Variants in CHST11 observed in about 807,000 individuals in gnomAD.
The protein encoded by CHST11 is carbohydrate sulfotransferase 11, also known as C4S-1.
CHST11 carries 9 observed loss-of-function variants against 30.4 expected under a neutral mutation model. The observed-to-expected ratio is 0.30, with a 90% CI of 0.18 to 0.52. CHST11 has a LOEUF of 0.52. Among genes scored for constraint, CHST11 ranks in the 20% least tolerant of loss-of-function variants. The probability of loss-of-function intolerance (pLI) is 0.97; values close to 1 mark genes in which losing one functional copy is unlikely to be tolerated. For synonymous variants in CHST11, 152 were observed against 187.8 expected, an observed-to-expected ratio of 0.81 and a Z score of 1.56; for missense variants, 348 against 460.6, an observed-to-expected ratio of 0.76 and a Z score of 2.24.
chr12:104,501,753 T>A (rs1019347766), intron 1 of CHST11, among the ~76,000 whole-genome samples: 12 of 152,298 alleles, frequency 7.9e-5, no homozygotes, highest in Admixed American at 3.3e-4. Context: ...ACCCACCAGA[T>A]GCTGGGTGAA....
intron 1 of CHST11, among the ~76,000 whole-genome samples, chr12:104,541,394 C>T (rs2038286387): frequency 6.6e-6 from 1 of 151,818 alleles, no homozygotes; most frequent in Non-Finnish European, 1.5e-5. Flanking sequence ...TTTCATGAAA[C>T]GTGGTCTGTG....
chr12:104,535,421 T>C (rs2038227901), intron 1 of CHST11, among the ~76,000 whole-genome samples: 1 of 152,176 alleles, frequency 6.6e-6, no homozygotes, highest in Non-Finnish European at 1.5e-5. Flanking sequence ...TTTAGAATAA[T>C]CTGGTCTTAA....
rs2040379497 is a variant in CHST11 at position 104,745,017 on chromosome 12, G to A, written c.205-11932G>A. On this transcript the variant is annotated intron_variant, in intron 2 of 2. Transcript: ENST00000303694. ...GCCTCCCAAGTAGCTAGGATTACAG[G>A]TGCCCACCATCATGCCTGGGTAATT... Among the ~76,000 whole-genome samples, 5 of 152,056 alleles carry A rather than the reference G, an allele frequency of 3.3e-5. No individual in the cohort carries two copies. The South Asian group carries it at 1.0e-3, about 32-fold the overall frequency.
chr12:104,491,626 A>G (rs1040159162), intron 1 of CHST11, among the ~76,000 whole-genome samples: 1 of 152,056 alleles, frequency 6.6e-6, no homozygotes, highest in Admixed American at 6.6e-5. Context: ...GTGCCACCAC[A>G]CCTGGCTAAT....
At chr12:104,675,619 A>G (rs770399170) in intron 2 of CHST11, among the ~76,000 whole-genome samples, 3 of 152,238 alleles carry the variant, frequency 2.0e-5, no homozygotes, top group Non-Finnish European at 4.4e-5. Context: ...ACTTTATTCA[A>G]TCCAGGGGTT....
chr12:104,689,315 G>A (rs1234246177), intron 2 of CHST11, among the ~76,000 whole-genome samples: 3 of 152,166 alleles, frequency 2.0e-5, no homozygotes, highest in Admixed American at 6.5e-5. Flanking sequence ...GCTTCCAATC[G>A]AAATACAGTG....
intron 1 of CHST11, among the ~76,000 whole-genome samples, chr12:104,466,741 G>C (rs757413850): frequency 3.3e-5 from 5 of 152,182 alleles, no homozygotes; most frequent in Non-Finnish European, 5.9e-5. Context: ...TATTTGAGCA[G>C]CCATCCCTCA....
intron 2 of CHST11, among the ~76,000 whole-genome samples, chr12:104,717,631 T>C (rs553502142): frequency 6.6e-6 from 1 of 152,058 alleles, no homozygotes; most frequent in East Asian, 1.9e-4. Flanking sequence ...AATTAGATGG[T>C]GTGGTGGTAG....
At chr12:104,470,749 G>A (rs1303890477) in intron 1 of CHST11, among the ~76,000 whole-genome samples, 1 of 152,186 alleles carries the variant, frequency 6.6e-6, no homozygotes, top group African/African-American at 2.4e-5. Context: ...GGAAACTGAG[G>A]CTTAGAGAGG....
intron 1 of CHST11, among the ~76,000 whole-genome samples, chr12:104,504,633 G>A (rs1490034653): frequency 6.6e-6 from 1 of 152,166 alleles, no homozygotes; most frequent in East Asian, 1.9e-4. Context: ...GCCTGTTCAT[G>A]GCCTAGGTAC....
chr12:104,549,451 CTCT>C (rs1565983366), intron 1 of CHST11, among the ~76,000 whole-genome samples: 1 of 152,134 alleles, frequency 6.6e-6, no homozygotes, highest in Non-Finnish European at 1.5e-5. Context: ...TCTTAGCATC[CTCT>C]TCTTAATTTT....
intron 2 of CHST11, among the ~76,000 whole-genome samples, chr12:104,632,155 G>A (rs573051426): frequency 6.6e-6 from 1 of 152,238 alleles, no homozygotes; most frequent in African/African-American, 2.4e-5. Flanking sequence ...GGGAACACGA[G>A]ACCTCCTGGA....
At chr12:104,526,574 G>A (rs2038128233) in intron 1 of CHST11, among the ~76,000 whole-genome samples, 1 of 152,186 alleles carries the variant, frequency 6.6e-6, no homozygotes, top group African/African-American at 2.4e-5. Context: ...TATTTGTGAG[G>A]GGTGCTTGTT....
At chr12:104,744,456 T>C (rs2040372963) in intron 2 of CHST11, among the ~76,000 whole-genome samples, 1 of 152,242 alleles carries the variant, frequency 6.6e-6, no homozygotes, top group Non-Finnish European at 1.5e-5. Context: ...GGGTTGTTTT[T>C]TTCTTGTAAA....
intron 1 of CHST11, among the ~76,000 whole-genome samples, chr12:104,544,949 T>C (rs1795867): frequency 0.6 from 90,799 of 151,646 alleles, 27,801 homozygotes; most frequent in East Asian, 0.98. Flanking sequence ...AGCTGAAAAA[T>C]GGGTGGGTTT....
chr12:104,540,192 A>T (rs958694906), intron 1 of CHST11, among the ~76,000 whole-genome samples: 7 of 152,214 alleles, frequency 4.6e-5, no homozygotes, highest in Admixed American at 2.6e-4. Context: ...GGTTGAACCC[A>T]TGAGTGTGGA....
chr12:104,625,218 C>T (rs1180000667), intron 2 of CHST11, among the ~76,000 whole-genome samples: 1 of 152,196 alleles, frequency 6.6e-6, no homozygotes, highest in African/African-American at 2.4e-5. Context: ...CCCCAGTGTT[C>T]TAGAAAAGCA....
Position 104,758,275 on chromosome 12 carries a change from G to GA in CHST11, c.*472_*473insA. 1 of 154,010 alleles carries GA rather than the reference G, an allele frequency of 6.5e-6. No homozygotes were observed. The highest frequency in any genetic ancestry group is 2.0e-4 in the South Asian group (1 of 4,938). The allele number at this position is 154,010 out of a possible 1,614,324, so 9.5% of individuals were successfully genotyped here. On this transcript the variant is annotated 3_prime_UTR_variant, in exon 3 of 3. Transcript: ENST00000303694. ...TGATAACAGCCATTGTCATGTGTAT[G>GA]GATGCCACCATTCTTGAATTTCTGC...
At position 104,704,277 on chromosome 12, in the gene CHST11, G is replaced by A. The variant is rs147262005; in HGVS notation, c.205-52672G>A. 6.1e-3 allele frequency among the ~76,000 whole-genome samples: 930 copies of A among 152,272 alleles called. 9 individuals are homozygous for A. Among genetic ancestry groups the A allele is most frequent in the African/African-American group, 0.017 (706 of 41,534 alleles). On this transcript the variant is annotated intron_variant, in intron 2 of 2. Transcript: ENST00000303694. Reference sequence around the variant, plus strand: ...GGCCTAACCCTTGCCTTCTGGCTCCGTGCTCAGGGAGACCCAGGAAGGCCA... The same window carrying A: ...GGCCTAACCCTTGCCTTCTGGCTCCATGCTCAGGGAGACCCAGGAAGGCCA...
Sources: allele counts gnomAD v4.1 joint callset (sites outside exome capture counted in the v4.1 genomes callset), GRCh38; gene constraint gnomAD v4.1.1; transcripts MANE v1.5; gene names NCBI Gene and HGNC (gene_info 2026-07-23, HGNC 2026-07-21).